The following SCN9A variants were observed in gnomAD, a reference collection of about 807,000 sequenced individuals.
SCN9A encodes sodium voltage-gated channel alpha subunit 9.
Under a neutral mutation model 187.0 loss-of-function variants are expected in SCN9A, and 131 were observed. The ratio of observed to expected loss-of-function variants is 0.70; its 90% confidence interval spans 0.61 to 0.81. The LOEUF (loss-of-function observed/expected upper bound fraction) is 0.81, where lower values mean the gene tolerates loss of function less well. Among genes scored for constraint, SCN9A ranks in the 30% least tolerant of loss-of-function variants. The pLI, the probability that SCN9A is intolerant of heterozygous loss-of-function variation, is 0.00. For missense variants in SCN9A, 2,252 were observed against 2,396.6 expected, an observed-to-expected ratio of 0.94 and a Z score of 1.26; for synonymous variants, 809 against 808.6, an observed-to-expected ratio of 1.00 and a Z score of -0.01.
At chr2:166,247,526 AT>A (rs1198032934) in intron 18 of SCN9A, among the ~76,000 whole-genome samples, 1 of 151,950 alleles carries the variant, frequency 6.6e-6, no homozygotes, top group Non-Finnish European at 1.5e-5. Flanking sequence ...TATTACCATT[AT>A]TATTTTTTGA....
At chr2:166,286,717 A>C in intron 10 of SCN9A, 94 bp from the exon 11 acceptor site, 4 of 899,334 alleles carry the variant, frequency 4.4e-6, no homozygotes, top group Non-Finnish European at 4.7e-6. Context: ...GCATAACAAC[A>C]TGGTGCATAT....
chr2:166,375,800 T>G lies in SCN9A; in HGVS notation c.-154A>C, dbSNP rs998431659. ...TCCCCGGCGCTCTCTCAGGGCTGCTTCTTTTTCTCTGGGCTCCTGTTGCTC... is the reference window on the plus strand; with the variant it reads ...TCCCCGGCGCTCTCTCAGGGCTGCTGCTTTTTCTCTGGGCTCCTGTTGCTC... On this transcript the variant is annotated 5_prime_UTR_variant, in exon 1 of 27. Coordinates refer to ENST00000642356, the MANE Select transcript of SCN9A (RefSeq NM_001365536.1). 4.6e-5 allele frequency: 7 copies of G among 152,416 alleles called. No individual in the cohort carries two copies. The highest frequency in any genetic ancestry group is 1.3e-4 in the Admixed American group (2 of 15,300). The allele number at this position is 152,416 out of a possible 1,614,324, so 9.4% of individuals were successfully genotyped here.
intron 1 of SCN9A, among the ~76,000 whole-genome samples, chr2:166,356,922 G>GT (rs1354329250): frequency 1.3e-5 from 2 of 151,952 alleles, no homozygotes; most frequent in African/African-American, 2.4e-5. Flanking sequence ...CTTCTCATTA[G>GT]TTTTTTTCTT....
At chr2:166,257,642 T>C (rs1205068315) in intron 17 of SCN9A, among the ~76,000 whole-genome samples, 1 of 151,578 alleles carries the variant, frequency 6.6e-6, no homozygotes, top group Non-Finnish European at 1.5e-5. Context: ...ATGTACCTCA[T>C]CTTTTCTAAC....
At chr2:166,275,596 A>AAT (rs59115824) in intron 16 of SCN9A, among the ~76,000 whole-genome samples, 170 of 150,236 alleles carry the variant, frequency 1.1e-3, no homozygotes, top group Admixed American at 2.4e-3. Flanking sequence ...AAAAAAAAAA[A>AAT]ATACACAAGC....
Position 166,233,357 on chromosome 2 carries a change from T to C in SCN9A, c.3907A>G (p.Arg1303Gly). ...TTTCTTACCCTCATTCCTTCAAATC[T>C]AGATAAGGCTCTTAGAGGTCTTAAA... ...RALRPLRALS[R>G]FEGMRVVVNA... is the part of the protein sequence containing the mutation. The change falls in exon 21 of 27, where the codon AGA (arginine) becomes GGA (glycine). Residue 1303 changes from arginine to glycine, a missense_variant. This residue lies in a region of SCN9A where 368 missense variants were observed against 408.6 expected (regional missense o/e 0.90). Transcript: ENST00000642356. 6.5e-7 allele frequency: 1 copy of C among 1,542,774 alleles called. No homozygotes were observed. Among genetic ancestry groups the C allele is most frequent in the Non-Finnish European group, 8.7e-7 (1 of 1,151,774 alleles).
chr2:166,314,596 G>A (rs1014719216), intron 1 of SCN9A, among the ~76,000 whole-genome samples: 1 of 152,104 alleles, frequency 6.6e-6, no homozygotes, highest in African/African-American at 2.4e-5. Context: ...AGGAATGTGG[G>A]ATATTCAAAC....
intron 1 of SCN9A, among the ~76,000 whole-genome samples, chr2:166,337,985 G>A (rs886087895): frequency 6.6e-6 from 1 of 152,040 alleles, no homozygotes; most frequent in African/African-American, 2.4e-5. Flanking sequence ...TACACAGCAA[G>A]TTAAGGAAAT....
intron 9 of SCN9A, 25 bp from the exon 10 acceptor site, chr2:166,288,668 T>G (rs2106493144): frequency 6.7e-7 from 1 of 1,503,568 alleles, no homozygotes; most frequent in East Asian, 2.3e-5. Context: ...AAATTGTCAT[T>G]TGAACAATAA....
intron 1 of SCN9A, among the ~76,000 whole-genome samples, chr2:166,368,467 C>G (rs1187198739): frequency 6.6e-6 from 1 of 151,996 alleles, no homozygotes; most frequent in Non-Finnish European, 1.5e-5. Context: ...AACCCCATCT[C>G]TACTAAAACT....
rs574874199 is a variant in SCN9A, at chr2:166,268,796, A to G, written c.3351+3603T>C. 1.1e-3 allele frequency among the ~76,000 whole-genome samples: 162 copies of G among 152,044 alleles called. 1 individual carries two copies. Among genetic ancestry groups the G allele is most frequent in the South Asian group, 7.5e-3 (36 of 4,824 alleles). On this transcript the variant is annotated intron_variant, in intron 17 of 26. Transcript: ENST00000642356. ...TCAGGTAGGTTTGTCTATACTTAATATGACATACTTTGAGATACGTCATGG... is the reference window on the plus strand; with the variant it reads ...TCAGGTAGGTTTGTCTATACTTAATGTGACATACTTTGAGATACGTCATGG...
intron 6 of SCN9A, 152 bp downstream of exon 6, chr2:166,304,086 T>A (rs754073647): frequency 6.2e-7 from 1 of 1,613,646 alleles, no homozygotes; most frequent in African/African-American, 1.3e-5. Context: ...TTCTCAATGC[T>A]GAGACATTGC....
intron 5 of SCN9A, among the ~76,000 whole-genome samples, chr2:166,304,866 A>T (rs1156826390): frequency 3.3e-5 from 5 of 152,098 alleles, no homozygotes; most frequent in Admixed American, 6.6e-5. Flanking sequence ...GTTTGTCAAT[A>T]TACTGAAAAA....
At chr2:166,236,076 AC>A (rs1283350449) in intron 20 of SCN9A, among the ~76,000 whole-genome samples, 9 of 152,004 alleles carry the variant, frequency 5.9e-5, no homozygotes, top group Non-Finnish European at 7.4e-5. Flanking sequence ...TAAGAGAGAG[AC>A]CCCGTCATAT....
chr2:166,356,146 C>T (rs772048626), intron 1 of SCN9A, among the ~76,000 whole-genome samples: 13 of 152,160 alleles, frequency 8.5e-5, no homozygotes, highest in Admixed American at 1.3e-4. Context: ...TCAAACTGAA[C>T]TATCCTGCTC....
At chr2:166,243,615 T>C (rs1287917506) in intron 18 of SCN9A, among the ~76,000 whole-genome samples, 1 of 151,824 alleles carries the variant, frequency 6.6e-6, no homozygotes, top group Non-Finnish European at 1.5e-5. Flanking sequence ...TTGTTATGCA[T>C]AGAAATTTAA....
intron 1 of SCN9A, among the ~76,000 whole-genome samples, chr2:166,332,109 C>G (rs151064878): frequency 6.6e-6 from 1 of 152,076 alleles, no homozygotes; most frequent in South Asian, 2.1e-4. Context: ...GATTCTGTTG[C>G]CCTTTACTTT....
chr2:166,297,146 G>C (rs924204403), intron 7 of SCN9A, among the ~76,000 whole-genome samples: 1 of 124,430 alleles, frequency 8.0e-6, no homozygotes, highest in Non-Finnish European at 1.6e-5. Flanking sequence ...ACAGTGAGCC[G>C]AGATAGCGAC....
chr2:166,322,778 G>C (rs376775745), intron 1 of SCN9A, among the ~76,000 whole-genome samples: 121 of 152,232 alleles, frequency 7.9e-4, no homozygotes, highest in African/African-American at 2.7e-3. Context: ...ATTTAGTTTA[G>C]AGTAGTGAGT....
Sources: allele counts gnomAD v4.1 joint callset (sites outside exome capture counted in the v4.1 genomes callset), GRCh38; gene constraint gnomAD v4.1.1; regional missense constraint gnomAD v4.1.1; transcripts MANE v1.5; gene names NCBI Gene and HGNC (gene_info 2026-07-23, HGNC 2026-07-21).